Variants in SMS observed in about 807,000 individuals in gnomAD.
SMS encodes spermine synthase, also known as spermidine aminopropyltransferase.
A neutral mutation model predicts 33.0 loss-of-function variants in SMS; 3 were observed. The ratio of observed to expected loss-of-function variants is 0.09; its 90% CI spans 0.04 to 0.23. SMS has a LOEUF of 0.23. SMS is among the 10% of genes least tolerant of loss of function. The pLI is 1.00. For synonymous variants in SMS, 103 were observed against 112.2 expected (o/e 0.92, Z 0.52); for missense variants, 117 against 288.6 (o/e 0.41, Z 4.31).
rs750537116 is a variant in SMS at position 21,993,982 on chromosome X, C to T, written c.1062-330C>T. 1.1e-4 allele frequency among the ~76,000 whole-genome samples: 12 copies of T among 108,357 alleles called. No individual in the cohort carries two copies. The East Asian group carries it at 3.5e-3, about 31-fold the overall frequency. The allele number at this position is 108,357 out of a possible 115,157, so 94.1% of individuals were successfully genotyped here. ...TCTCCCGCTACCCTAACTTTCCCTC[C>T]CTCCCTCCTTTCCCCCTTCCTTCCT... is the stretch of plus-strand genomic sequence containing the variant. On this transcript the variant is annotated intron_variant, in intron 10 of 10. Coordinates refer to ENST00000404933, the MANE Select transcript of SMS (RefSeq NM_004595.5).
Position 21,992,652 on chromosome X carries a change from G to A in SMS, c.1001G>A (p.Arg334His), listed in dbSNP as rs199670083. The change falls in exon 10 of 11, where the codon CGC (arginine) becomes CAC (histidine). Residue 334 changes from arginine to histidine, a missense_variant. By Grantham distance (29) the Arg-to-His change is conservative. Transcript: ENST00000404933. ...TCGCTCTATGAAGAACAGCTGGGGC[G>A]CCTGTATTGTCCTGTGGAATTTTCA... ...ALSLYEEQLG[R>H]LYCPVEFSKE... 5.6e-5 allele frequency: 67 copies of A among 1,203,464 alleles called. No homozygotes were observed. The highest frequency in any genetic ancestry group is 6.7e-5 in the Non-Finnish European group (60 of 890,306).
chrX:21,979,616 G>C (rs1924777281), intron 7 of SMS, among the ~76,000 whole-genome samples: 1 of 111,086 alleles, frequency 9.0e-6, no homozygotes. Context: ...ATGGGCATTT[G>C]GGTTGGTTCC....
intron 9 of SMS, among the ~76,000 whole-genome samples, chrX:21,987,979 C>T (rs1294464253): frequency 1.8e-5 from 2 of 112,585 alleles, no homozygotes; most frequent in East Asian, 5.6e-4. Context: ...GCTTTGATAT[C>T]TTGCCTTTGC....
rs765571613 is a variant in SMS at position 21,944,194 on chromosome X, T to TA, written c.49+3328dup. 2.5e-4 allele frequency among the ~76,000 whole-genome samples: 28 copies of TA among 111,136 alleles called. No individual in the cohort carries two copies. In the South Asian group the frequency reaches 0.01, roughly 40 times the overall value. ...CCCAGGAAATTTTTATTTTTGCTTTTAAAAAAACAACTCATCTGTGGTCAT... is the reference window on the plus strand; with the variant it reads ...CCCAGGAAATTTTTATTTTTGCTTTTAAAAAAAACAACTCATCTGTGGTCAT... On this transcript the variant is annotated intron_variant, in intron 1 of 10. Transcript: ENST00000404933.
At chrX:21,986,398 C>A (rs7887293) in intron 9 of SMS, among the ~76,000 whole-genome samples, 21,603 of 101,707 alleles carry the variant, frequency 0.21, 2,147 homozygotes, top group African/African-American at 0.35. Context: ...TAGAGGTTTT[C>A]ACTTTAACCT....
In SMS at chrX:21,977,248, A is replaced by G. The variant is rs1175808977; in HGVS notation, c.505+12A>G. 1 of 1,177,983 alleles carries G rather than the reference A, an allele frequency of 8.5e-7. No homozygotes were observed. The highest frequency in any genetic ancestry group is 1.2e-6 in the Non-Finnish European group (1 of 864,449). On this transcript the variant is annotated intron_variant, in intron 5 of 10. Coordinates refer to ENST00000404933, the MANE Select transcript of SMS (RefSeq NM_004595.5). ...TAGTGGGGATGTTAGTAAGTATTCC[A>G]TCCCTGCCCCGATCACGTAACAAAG... is the stretch of plus-strand genomic sequence containing the variant.
At chrX:21,992,380 T>G (rs564717532) in intron 9 of SMS, among the ~76,000 whole-genome samples, 1 of 112,763 alleles carries the variant, frequency 8.9e-6, no homozygotes, top group East Asian at 2.8e-4. Flanking sequence ...TCTAATAATT[T>G]GAAATGGCTT....
At chrX:21,981,332 G>C (rs994133691) in intron 7 of SMS, among the ~76,000 whole-genome samples, 7 of 110,079 alleles carry the variant, frequency 6.4e-5, no homozygotes, top group African/African-American at 2.3e-4. Context: ...AAAAAAAAAG[G>C]AACAATGTCT....
At chrX:21,969,313 A>G (rs1033634161) in intron 2 of SMS, among the ~76,000 whole-genome samples, 26 of 111,665 alleles carry the variant, frequency 2.3e-4, no homozygotes, top group African/African-American at 7.5e-4. Context: ...CCTCAAATGT[A>G]TCTAAGATGA....
intron 5 of SMS, among the ~76,000 whole-genome samples, 182 bp downstream of exon 5, chrX:21,977,418 G>T (rs1470028188): frequency 4.5e-5 from 5 of 111,457 alleles, no homozygotes; most frequent in African/African-American, 1.3e-4. Context: ...CATAAACTTT[G>T]TCTTGACATT....
At chrX:21,950,015 A>G (rs779138723) in intron 1 of SMS, among the ~76,000 whole-genome samples, 5 of 111,130 alleles carry the variant, frequency 4.5e-5, no homozygotes, top group East Asian at 2.8e-4. Context: ...TTCAACGTGT[A>G]TTTTCAGGGC....
intron 9 of SMS, among the ~76,000 whole-genome samples, chrX:21,988,521 C>T (rs191731378): frequency 3.7e-5 from 4 of 109,399 alleles, no homozygotes; most frequent in African/African-American, 1.0e-4. Flanking sequence ...AAAAATTAGC[C>T]GGGCGCGGTG....
intron 2 of SMS, among the ~76,000 whole-genome samples, chrX:21,969,907 C>T (rs1028426419): frequency 6.2e-5 from 7 of 112,864 alleles, no homozygotes; most frequent in South Asian, 7.2e-4. Flanking sequence ...CTCTGCCTCC[C>T]GGGTTCAAAC....
At chrX:21,993,314 G>A (rs535542475) in intron 10 of SMS, among the ~76,000 whole-genome samples, 2 of 112,949 alleles carry the variant, frequency 1.8e-5, no homozygotes, top group South Asian at 7.1e-4. Flanking sequence ...GTTGGGGACT[G>A]CACGGTTAAC....
intron 9 of SMS, 88 bp downstream of exon 9, chrX:21,985,311 A>G (rs1004291957): frequency 1.8e-5 from 10 of 562,381 alleles, no homozygotes; most frequent in African/African-American, 9.0e-5. Flanking sequence ...ATGTATATCT[A>G]TTAAGGATAG....
Position 21,992,726 on chromosome X carries a change from G to A in SMS, c.1061+14G>A, listed in dbSNP as rs368702308. The A allele has an allele frequency of 3.8e-5, 38 of 1,001,970 alleles. No individual in the cohort carries two copies. The highest frequency in any genetic ancestry group is 1.1e-4 in the Admixed American group (5 of 44,488). 82.6% of individuals were successfully genotyped at this position (1,001,970 alleles called of 1,213,427 possible). ...ATACTTGGAATTGTATCCTTTGACC[G>A]TGACATTCTGTTGCCAGATCAAAGC... On this transcript the variant is annotated intron_variant, in intron 10 of 10. Coordinates refer to ENST00000404933, the MANE Select transcript of SMS (RefSeq NM_004595.5).
intron 4 of SMS, among the ~76,000 whole-genome samples, 199 bp downstream of exon 4, chrX:21,972,770 G>A (rs1202071971): frequency 1.8e-5 from 2 of 109,667 alleles, no homozygotes; most frequent in Admixed American, 9.7e-5. Context: ...TTAGCTGGAC[G>A]TGGTAGTGCA....
intron 1 of SMS, among the ~76,000 whole-genome samples, chrX:21,955,368 C>G (rs1922904829): frequency 8.9e-6 from 1 of 112,248 alleles, no homozygotes. Context: ...CAGGGCCAAC[C>G]TGTGTCCTCT....
At chrX:21,969,713 T>A (rs1300473980) in intron 2 of SMS, among the ~76,000 whole-genome samples, 1 of 112,706 alleles carries the variant, frequency 8.9e-6, no homozygotes. Context: ...AGACTTAGAA[T>A]TCTTCCCAGA....
Sources: allele counts gnomAD v4.1 joint callset (sites outside exome capture counted in the v4.1 genomes callset), GRCh38; gene constraint gnomAD v4.1.1; transcripts MANE v1.5; gene names NCBI Gene and HGNC (gene_info 2026-07-23, HGNC 2026-07-21).